PPM1F: variants seen among roughly 807,000 people sequenced by gnomAD.
The protein encoded by PPM1F is protein phosphatase 1F.
PPM1F carries 17 observed loss-of-function variants against 35.5 expected under a neutral mutation model. The ratio of observed to expected loss-of-function variants is 0.48; its 90% CI spans 0.33 to 0.72. The LOEUF is 0.72. Ranked by LOEUF, PPM1F falls within the 30% of genes least tolerant of loss-of-function variation. The pLI, the probability that PPM1F is intolerant of heterozygous loss-of-function variation, is 0.02. For synonymous variants in PPM1F, 241 were observed against 255.5 expected (o/e 0.94, Z 0.54); for missense variants, 521 against 613.0 (o/e 0.85, Z 1.59).
chr22:21,931,079 G>A, intron 6 of PPM1F, 69 bp downstream of exon 6: 3 of 1,582,578 alleles, frequency 1.9e-6, no homozygotes, highest in Non-Finnish European at 2.6e-6. Context: ...GGCTGGGTGG[G>A]GTTCCCCTAT....
chr22:21,943,759 T>C (rs917229213), intron 2 of PPM1F: 6 of 152,464 alleles, frequency 3.9e-5, no homozygotes, highest in Non-Finnish European at 2.9e-5. Context: ...TGAAGGCTGA[T>C]GTTGTCACCC....
chr22:21,945,723 G>A (rs912217864), intron 2 of PPM1F, 120 bp downstream of exon 2: 10 of 1,013,006 alleles, frequency 9.9e-6, no homozygotes, highest in Admixed American at 9.5e-5. Flanking sequence ...GCTGCATAGG[G>A]ATCCGGGGCT....
At chr22:21,928,828 CTCCAT>C (rs964557940) in intron 6 of PPM1F, among the ~76,000 whole-genome samples, 5 of 150,022 alleles carry the variant, frequency 3.3e-5, no homozygotes, top group African/African-American at 5.0e-5. Context: ...TGAGATGCGG[CTCCAT>C]TCCATTCATC....
At chr22:21,925,728 A>C (rs2070506531) in intron 6 of PPM1F, 66 bp from the exon 7 acceptor site, 1 of 1,316,098 alleles carries the variant, frequency 7.6e-7, no homozygotes, top group Non-Finnish European at 1.0e-6. Context: ...CCCTGCTGCT[A>C]CCTGAGCAGA....
In PPM1F at chr22:21,934,983, C is replaced by T. The variant is rs77908707; in HGVS notation, c.356-757G>A. 4.9e-3 allele frequency: 751 copies of T among 152,080 alleles called. 8 individuals are homozygous for T. Among genetic ancestry groups the T allele is most frequent in the Non-Finnish European group, 6.4e-3 (437 of 68,014 alleles). 9.4% of individuals were successfully genotyped at this position (152,080 alleles called of 1,614,324 possible). On this transcript the variant is annotated intron_variant, in intron 3 of 7. Transcript: ENST00000263212. ...ACGAAATATGCAACTCCCATACGACCCCACCGTGGCACTCCTGTGGACTTA... is the reference window on the plus strand; with the variant it reads ...ACGAAATATGCAACTCCCATACGACTCCACCGTGGCACTCCTGTGGACTTA...
chr22:21,933,035 C>G (rs1369269560), intron 5 of PPM1F, among the ~76,000 whole-genome samples: 6 of 152,192 alleles, frequency 3.9e-5, no homozygotes, highest in African/African-American at 1.4e-4. Flanking sequence ...CTCTCAGGAA[C>G]TGTGAGTAGT....
Position 21,933,521 on chromosome 22 carries a change from G to T in PPM1F, c.617C>A (p.Ala206Glu). The T allele has an allele frequency of 1.2e-6, 2 of 1,613,748 alleles. No homozygotes were observed. Among genetic ancestry groups the T allele is most frequent in the Non-Finnish European group, 1.7e-6 (2 of 1,179,984 alleles). ...GTGCACGTGGACAGCGGCGTACCTC[G>T]CAGCATCCACGCCTCCGTGACCATC... ...VFDGHGGVDA[A>E]RYAAVHVHTN... is the part of the protein sequence containing the mutation. Residue 206 changes from alanine (A) to glutamate (E), a missense_variant, in exon 5 of 8, where the codon GCG becomes GAG. By Grantham distance (107) the Ala-to-Glu change is moderately radical (BLOSUM62 -1). Transcript: ENST00000263212.
At chr22:21,936,361 C>T (rs956059709) in intron 3 of PPM1F, 6 of 151,878 alleles carry the variant, frequency 4.0e-5, no homozygotes, top group Admixed American at 6.6e-5. Context: ...TGGGCCTGCA[C>T]GTGGCAGTTC....
chr22:21,945,883 C>T lies in PPM1F; in HGVS notation c.166G>A (p.Gly56Ser). Residue 56 changes from glycine to serine, a missense_variant, in exon 2 of 8, where the codon GGC becomes AGC. Gly to Ser is a moderately conservative substitution (Grantham distance 56). Coordinates refer to ENST00000263212, the MANE Select transcript of PPM1F (RefSeq NM_014634.4). ...CCCATGGCCAGCTCAGCCAGCTCGC[C>T]CTCCACCTCCTCCTGGCTGAGCACC... ...GTVLSQEEVE[G>S]ELAELAMGFL... is the part of the protein sequence containing the mutation. 1 of 1,612,454 alleles carries T rather than the reference C, an allele frequency of 6.2e-7. No homozygotes were observed. Among genetic ancestry groups the T allele is most frequent in the African/African-American group, 1.3e-5 (1 of 75,012 alleles).
Position 21,939,562 on chromosome 22 carries a change from C to A in PPM1F, c.325G>T (p.Asp109Tyr), listed in dbSNP as rs769270846. ...PREEEEEEED[D>Y]DEEEKAPVTL... ...ACAGGGGCCTTTTCCTCCTCGTCATCGTCCTCCTCCTCTTCTTCTTCCTCC... is the reference window on the plus strand; with the variant it reads ...ACAGGGGCCTTTTCCTCCTCGTCATAGTCCTCCTCCTCTTCTTCTTCCTCC... The change falls in exon 3 of 8, where the codon GAT becomes TAT. Residue 109 changes from aspartate (D) to tyrosine (Y), a missense_variant. By Grantham distance (160) the Asp-to-Tyr change is radical. This residue lies in a region of PPM1F where 311 missense variants were observed against 351.5 expected (regional missense o/e 0.88). Transcript: ENST00000263212. This position sits in a 1 kb window ranked among gnomAD's most constrained non-coding sequence, Gnocchi z 5.1. The A allele has an allele frequency of 5.7e-6, 9 of 1,582,072 alleles. No individual in the cohort carries two copies. The highest frequency in any genetic ancestry group is 5.5e-5 in the Admixed American group (3 of 54,632).
chr22:21,945,920 C>G lies in PPM1F; in HGVS notation c.129G>C (p.Lys43Asn). 1 of 1,613,004 alleles carries G rather than the reference C, an allele frequency of 6.2e-7. No individual in the cohort carries two copies. The highest frequency in any genetic ancestry group is 8.5e-7 in the Non-Finnish European group (1 of 1,179,640). Residue 43 changes from lysine (K) to asparagine (N), a missense_variant, in exon 2 of 8, where the codon AAG becomes AAC. Physicochemically the swap from Lys to Asn is moderately conservative, Grantham distance 94. Coordinates refer to ENST00000263212, the MANE Select transcript of PPM1F (RefSeq NM_014634.4). Reference sequence around the variant, plus strand: ...CCTGGCTGAGCACCGTCCCTGGGGCCTTCCATGGCAGAGGGTCCTCTGGGT... The same window carrying G: ...CCTGGCTGAGCACCGTCCCTGGGGCGTTCCATGGCAGAGGGTCCTCTGGGT... ...LLNPEDPLPW[K>N]APGTVLSQEE...
Position 21,923,040 on chromosome 22 carries a change from G to A in PPM1F, c.*52C>T. On this transcript the variant is annotated 3_prime_UTR_variant, in exon 8 of 8. Transcript: ENST00000263212. ...CCTGTTGGGTCCTGAGGCTTCTGAG[G>A]GAGAGAAGGACAAGGATGGGAGGAA... 6.5e-7 allele frequency: 1 copy of A among 1,540,036 alleles called. No homozygotes were observed. Among genetic ancestry groups the A allele is most frequent in the Non-Finnish European group, 8.7e-7 (1 of 1,145,994 alleles).
At chr22:21,934,332 C>T (rs2070633224) in intron 3 of PPM1F, 106 bp from the exon 4 acceptor site, 7 of 870,080 alleles carry the variant, frequency 8.0e-6, no homozygotes, top group Non-Finnish European at 1.1e-5. Flanking sequence ...CCCCCATCAC[C>T]TCCCGGGGCA....
chr22:21,929,085 A>G (rs752246751), intron 6 of PPM1F, among the ~76,000 whole-genome samples: 5 of 151,524 alleles, frequency 3.3e-5, no homozygotes, highest in Non-Finnish European at 5.9e-5. Flanking sequence ...CCGCTGCTGG[A>G]CCCCCGTTGA....
In PPM1F at chr22:21,939,431, A is replaced by G. The variant is rs1046620812; in HGVS notation, c.355+101T>C. 1.3e-6 allele frequency: 2 copies of G among 1,485,088 alleles called. No homozygotes were observed. Among genetic ancestry groups the G allele is most frequent in the Non-Finnish European group, 1.8e-6 (2 of 1,093,066 alleles). 92.0% of individuals were successfully genotyped at this position (1,485,088 alleles called of 1,614,324 possible). ...TGCTGCCGTTGTGAGCGAGGGCCCC[A>G]GCACCCTTAGGGACCCCAATCAATG... On this transcript the variant is annotated intron_variant, in intron 3 of 7. Coordinates refer to ENST00000263212, the MANE Select transcript of PPM1F (RefSeq NM_014634.4). The surrounding 1 kb of genome is among the most constrained non-coding windows in gnomAD (Gnocchi z 5.1).
At chr22:21,928,278 C>T (rs183571871) in intron 6 of PPM1F, among the ~76,000 whole-genome samples, 38 of 152,316 alleles carry the variant, frequency 2.5e-4, no homozygotes, top group Admixed American at 1.2e-3. Context: ...CACTGCCATC[C>T]TCCTGGATGC....
Position 21,945,873 on chromosome 22 carries a change from G to T in PPM1F, c.176C>A (p.Ala59Asp). The part of the protein sequence containing the change: ...LSQEEVEGEL[A>D]ELAMGFLGSR... ...GCCCAGAAAGCCCATGGCCAGCTCAGCCAGCTCGCCCTCCACCTCCTCCTG... is the reference window on the plus strand; with the variant it reads ...GCCCAGAAAGCCCATGGCCAGCTCATCCAGCTCGCCCTCCACCTCCTCCTG... The change falls in exon 2 of 8, where the codon GCT (alanine) becomes GAT (aspartate). Residue 59 changes from alanine to aspartate, a missense_variant. By Grantham distance (126) the Ala-to-Asp change is moderately radical. Around this residue, in one of 3 missense-constraint regions of PPM1F, gnomAD observed 311 missense variants for 351.5 expected, o/e 0.88. Transcript: ENST00000263212. 7.4e-6 allele frequency: 12 copies of T among 1,611,636 alleles called. No individual in the cohort carries two copies. The highest frequency in any genetic ancestry group is 1.0e-5 in the Non-Finnish European group (12 of 1,179,822).
intron 3 of PPM1F, chr22:21,938,165 G>A (rs2070682135): frequency 7.7e-7 from 1 of 1,303,358 alleles, no homozygotes; most frequent in Non-Finnish European, 1.0e-6. Context: ...CCCGAGCGTA[G>A]GACTGGGCTG....
intron 1 of PPM1F, chr22:21,950,494 T>C (rs1012894661): frequency 3.9e-5 from 6 of 152,082 alleles, no homozygotes; most frequent in African/African-American, 9.7e-5. Flanking sequence ...TTAGGGGACA[T>C]AGAAAAAATA....
Sources: allele counts gnomAD v4.1 joint callset (sites outside exome capture counted in the v4.1 genomes callset), GRCh38; gene constraint gnomAD v4.1.1; regional missense constraint gnomAD v4.1.1; non-coding constraint Gnocchi (gnomAD v3.1); transcripts MANE v1.5; gene names NCBI Gene and HGNC (gene_info 2026-07-23, HGNC 2026-07-21).